The following ZFAND3 variants were observed in gnomAD, a reference collection of about 807,000 sequenced individuals.
ZFAND3 encodes the protein AN1-type zinc finger protein 3.
Under a neutral mutation model 29.6 loss-of-function variants are expected in ZFAND3, and 10 were observed. The observed-to-expected ratio is 0.34, with a 90% confidence interval of 0.21 to 0.57. ZFAND3 has a LOEUF of 0.57. Among genes scored for constraint, ZFAND3 ranks in the 20% least tolerant of loss-of-function variants. ZFAND3 has a pLI of 0.86. For synonymous variants in ZFAND3, 128 were observed against 112.6 expected, an observed-to-expected ratio of 1.14 and a Z score of -0.87; for missense variants, 230 against 304.5, an observed-to-expected ratio of 0.76 and a Z score of 1.82.
At chr6:37,823,621 G>T (rs900008472) in intron 1 of ZFAND3, among the ~76,000 whole-genome samples, 2 of 152,130 alleles carry the variant, frequency 1.3e-5, no homozygotes, top group African/African-American at 2.4e-5. Context: ...TGTAACACGT[G>T]GTTCCAGTTC....
intron 1 of ZFAND3, among the ~76,000 whole-genome samples, chr6:37,890,641 A>G (rs1048931085): frequency 3.3e-5 from 5 of 152,234 alleles, no homozygotes; most frequent in African/African-American, 7.2e-5. Context: ...AAGGTACTCA[A>G]AGTGTCGGAA....
intron 1 of ZFAND3, among the ~76,000 whole-genome samples, chr6:37,845,211 C>T (rs1356065899): frequency 2.0e-5 from 3 of 152,238 alleles, no homozygotes; most frequent in African/African-American, 7.2e-5. Context: ...CATCTTTAAT[C>T]TTCTACTGAT....
chr6:38,079,713 G>C (rs1764623734), intron 3 of ZFAND3, among the ~76,000 whole-genome samples: 1 of 152,136 alleles, frequency 6.6e-6, no homozygotes, highest in Non-Finnish European at 1.5e-5. Context: ...GGAACTTAGT[G>C]ATCTTGGCCA....
At chr6:38,008,801 C>T (rs1763095456) in intron 2 of ZFAND3, among the ~76,000 whole-genome samples, 1 of 151,980 alleles carries the variant, frequency 6.6e-6, no homozygotes, top group African/African-American at 2.4e-5. Context: ...GACAATGGCT[C>T]ACTTGTAAGA....
chr6:37,876,841 A>T (rs912541651), intron 1 of ZFAND3, among the ~76,000 whole-genome samples: 1 of 152,224 alleles, frequency 6.6e-6, no homozygotes, highest in African/African-American at 2.4e-5. Flanking sequence ...TGAGATTAAA[A>T]TACACGTACA....
At chr6:38,010,719 C>T (rs988041656) in intron 2 of ZFAND3, among the ~76,000 whole-genome samples, 5 of 151,676 alleles carry the variant, frequency 3.3e-5, no homozygotes, top group African/African-American at 9.7e-5. Flanking sequence ...CTTGCCTCAG[C>T]CTCCCGAGTA....
chr6:37,909,995 A>G (rs925282309), intron 1 of ZFAND3, among the ~76,000 whole-genome samples: 41 of 152,248 alleles, frequency 2.7e-4, no homozygotes, highest in Non-Finnish European at 3.8e-4. Flanking sequence ...AATTTAAAAC[A>G]TAAATTTACA....
chr6:37,983,143 A>C (rs1258112315), intron 2 of ZFAND3, among the ~76,000 whole-genome samples: 1 of 152,230 alleles, frequency 6.6e-6, no homozygotes, highest in South Asian at 2.1e-4. Context: ...ATAATATAAA[A>C]GTTACAGTGA....
intron 2 of ZFAND3, among the ~76,000 whole-genome samples, chr6:38,020,364 T>A (rs926471231): frequency 7.9e-5 from 12 of 152,214 alleles, no homozygotes; most frequent in African/African-American, 2.9e-4. Context: ...AATTTTTTTT[T>A]AAGTAGAATC....
At chr6:38,064,534 T>TA (rs1308466676) in intron 3 of ZFAND3, among the ~76,000 whole-genome samples, 1 of 152,184 alleles carries the variant, frequency 6.6e-6, no homozygotes, top group East Asian at 1.9e-4. Context: ...CAATGTGAAA[T>TA]ACAACTGTCA....
chr6:37,919,031 G>A (rs575927309), intron 1 of ZFAND3, among the ~76,000 whole-genome samples: 68 of 140,486 alleles, frequency 4.8e-4, no homozygotes, highest in African/African-American at 1.8e-3. Flanking sequence ...TTGGCTCACT[G>A]CAACCTCCGA....
At position 38,148,379 on chromosome 6, in the gene ZFAND3, A is replaced by T. The variant is rs1766152493; in HGVS notation, c.530-3856A>T. Among the ~76,000 whole-genome samples the T allele has an allele frequency of 2.0e-5, 3 of 152,248 alleles. No homozygotes were observed. In the South Asian group the frequency reaches 6.2e-4, roughly 31 times the overall value. ...AATACCAGAGCTGCTGTCGTAGTTCAGCAGGTCAGTTCTGTGTACTCAGTG... is the reference window on the plus strand; with the variant it reads ...AATACCAGAGCTGCTGTCGTAGTTCTGCAGGTCAGTTCTGTGTACTCAGTG... On this transcript the variant is annotated intron_variant, in intron 5 of 5. Coordinates refer to ENST00000287218, the MANE Select transcript of ZFAND3 (RefSeq NM_021943.3).
chr6:37,966,042 T>C (rs1361171118), intron 2 of ZFAND3, among the ~76,000 whole-genome samples: 1 of 152,154 alleles, frequency 6.6e-6, no homozygotes, highest in African/African-American at 2.4e-5. Flanking sequence ...GGATTGCAGG[T>C]ATGAGCCACA....
chr6:38,136,741 C>T (rs1035215682), intron 5 of ZFAND3, among the ~76,000 whole-genome samples: 1 of 152,170 alleles, frequency 6.6e-6, no homozygotes, highest in Non-Finnish European at 1.5e-5. Flanking sequence ...CACAGCAGGC[C>T]ACTGTTCTCC....
chr6:38,117,278 T>C (rs76221056), intron 5 of ZFAND3, among the ~76,000 whole-genome samples: 4 of 149,786 alleles, frequency 2.7e-5, no homozygotes, highest in Non-Finnish European at 5.9e-5. Flanking sequence ...TTTTTTTTTT[T>C]CCTGGGCTGA....
At chr6:37,996,393 TAA>T (rs1375531854) in intron 2 of ZFAND3, among the ~76,000 whole-genome samples, 2 of 152,212 alleles carry the variant, frequency 1.3e-5, no homozygotes, top group Admixed American at 6.5e-5. Flanking sequence ...CACAAAAGTA[TAA>T]GTGTCCTCAA....
intron 1 of ZFAND3, among the ~76,000 whole-genome samples, chr6:37,861,347 G>A (rs35955196): frequency 0.079 from 11,979 of 152,198 alleles, 562 homozygotes; most frequent in African/African-American, 0.13. Context: ...GATAAAGTGG[G>A]TATCAAGAGT....
chr6:38,002,926 C>G (rs1561962545), intron 2 of ZFAND3: 2 of 152,234 alleles, frequency 1.3e-5, no homozygotes, highest in African/African-American at 2.4e-5. Context: ...AAGCCACATA[C>G]CTTGCTAACA....
chr6:37,992,140 C>G (rs1270921271), intron 2 of ZFAND3, among the ~76,000 whole-genome samples: 1 of 152,130 alleles, frequency 6.6e-6, no homozygotes, highest in East Asian at 1.9e-4. Context: ...GTTTCTTAGA[C>G]TAGGCTTTTA....
Sources: allele counts gnomAD v4.1 joint callset (sites outside exome capture counted in the v4.1 genomes callset), GRCh38; gene constraint gnomAD v4.1.1; transcripts MANE v1.5; gene names NCBI Gene and HGNC (gene_info 2026-07-23, HGNC 2026-07-21).